Variants in UTRN observed in about 807,000 individuals in gnomAD.
UTRN encodes utrophin.
In UTRN, 283 loss-of-function variants were observed where a neutral mutation model predicts 463.9. That is an observed-to-expected ratio of 0.61 (90% confidence interval 0.55 to 0.67). The LOEUF (loss-of-function observed/expected upper bound fraction) is 0.67. Among genes scored for constraint, UTRN ranks in the 30% least tolerant of loss-of-function variants. The pLI is 0.00. For missense variants in UTRN, 3,922 were observed against 4,084.3 expected (o/e 0.96, Z 1.08); for synonymous variants, 1,442 against 1,431.5 (o/e 1.01, Z -0.17).
At chr6:144,763,592 T>C (rs772165145) in intron 58 of UTRN, among the ~76,000 whole-genome samples, 5 of 152,178 alleles carry the variant, frequency 3.3e-5, no homozygotes, top group Non-Finnish European at 7.4e-5. Context: ...TGCATACTTC[T>C]TTAGAAGAAT....
In UTRN at chr6:144,360,044, T is replaced by TCCCTTCCCTTC. The variant is rs1167851243; in HGVS notation, c.80-43076_80-43066dup. The stretch of plus-strand genomic sequence containing the variant: ...TTTTCTTTTCTTTTTTCCCTTCCCT[T>TCCCTTCCCTTC]CCCTTCCCTTCCCTTCCCTTCCCTT... On this transcript the variant is annotated intron_variant, in intron 2 of 74. Transcript: ENST00000367545. 1.7e-3 allele frequency among the ~76,000 whole-genome samples: 135 copies of TCCCTTCCCTTC among 78,592 alleles called. 4 individuals are homozygous for TCCCTTCCCTTC. The highest frequency in any genetic ancestry group is 0.01 in the African/African-American group (125 of 12,108). 51.6% of individuals were successfully genotyped at this position (78,592 alleles called of 152,430 possible).
chr6:144,314,234 A>G (rs966743057), intron 2 of UTRN, among the ~76,000 whole-genome samples: 2 of 152,194 alleles, frequency 1.3e-5, no homozygotes, highest in African/African-American at 2.4e-5. Context: ...AAATGACTAC[A>G]CAAGTCATAA....
intron 2 of UTRN, among the ~76,000 whole-genome samples, chr6:144,389,975 A>G (rs914769732): frequency 6.6e-6 from 1 of 152,196 alleles, no homozygotes; most frequent in Non-Finnish European, 1.5e-5. Flanking sequence ...AATATTGGTC[A>G]AAGAATATAG....
chr6:144,786,435 G>A (rs1363150550), intron 61 of UTRN, among the ~76,000 whole-genome samples: 3 of 152,036 alleles, frequency 2.0e-5, no homozygotes, highest in African/African-American at 4.8e-5. Context: ...ACAGGCACGC[G>A]CCACCACGCC....
intron 39 of UTRN, 51 bp from the exon 40 acceptor site, chr6:144,521,929 T>G: frequency 1.8e-6 from 2 of 1,110,526 alleles, no homozygotes; most frequent in Non-Finnish European, 1.2e-6. Flanking sequence ...GTGGGGGTAT[T>G]TTAAGAGATA....
intron 62 of UTRN, among the ~76,000 whole-genome samples, chr6:144,792,855 T>C (rs535899143): frequency 6.6e-6 from 1 of 152,270 alleles, no homozygotes; most frequent in African/African-American, 2.4e-5. Flanking sequence ...CTTCAAAGTA[T>C]TGTATATGGT....
intron 51 of UTRN, among the ~76,000 whole-genome samples, chr6:144,635,514 CTTTTTTTT>C (rs1402815648): frequency 2.5e-5 from 2 of 80,012 alleles, no homozygotes; most frequent in Non-Finnish European, 4.4e-5. Flanking sequence ...CTTTTTTTTT[CTTTTTTTT>C]TTTTTTTCTT....
chr6:144,790,746 A>G (rs1228662923), intron 62 of UTRN, among the ~76,000 whole-genome samples: 1 of 152,224 alleles, frequency 6.6e-6, no homozygotes, highest in East Asian at 1.9e-4. Context: ...AATGATCAGG[A>G]AAGGAAAATG....
Position 144,482,327 on chromosome 6 carries a change from T to C in UTRN, c.3626T>C (p.Val1209Ala), listed in dbSNP as rs933396709. The C allele has an allele frequency of 5.0e-6, 8 of 1,607,708 alleles. No homozygotes were observed. In the African/African-American group the frequency reaches 6.7e-5, roughly 13 times the overall value. Residue 1209 changes from valine (V) to alanine (A), a missense_variant, in exon 27 of 75, where the codon GTT (valine) becomes GCT (alanine). By Grantham distance (64) the Val-to-Ala change is moderately conservative. Coordinates refer to ENST00000367545, the MANE Select transcript of UTRN (RefSeq NM_007124.3). ...CAGGAGTTGACGTCTGAGCTGAATG[T>C]TGTGCTGGAGAATTACCAACTTCTT... The part of the protein sequence containing the change: ...GGQELTSELN[V>A]VLENYQLLCN...
intron 25 of UTRN, among the ~76,000 whole-genome samples, chr6:144,478,171 A>G (rs1791449621): frequency 6.6e-6 from 1 of 152,220 alleles, no homozygotes; most frequent in Non-Finnish European, 1.5e-5. Flanking sequence ...AAACAAAGAT[A>G]GTCTATTTCA....
rs535319408 is a variant in UTRN, at chr6:144,378,252, G to A, written c.80-24871G>A. On this transcript the variant is annotated intron_variant, in intron 2 of 74. Transcript: ENST00000367545. The stretch of plus-strand genomic sequence containing the variant: ...TTCTATTGAAATGGACAAGTTAGAG[G>A]TCTAGATTGAATACACTCTGTGTTT... Among the ~76,000 whole-genome samples the A allele has an allele frequency of 2.0e-4, 30 of 152,276 alleles. 2 individuals are homozygous for A. The South Asian group carries it at 5.4e-3, about 27-fold the overall frequency.
rs1318272241 is a variant in UTRN, at chr6:144,593,468, A to G, written c.7479+16180A>G. ...GAAGTGAAGCCTTGGCTTGCGACCAATCAGAGGCTGAAGGTAAGCTTTGGC... is the reference window on the plus strand; with the variant it reads ...GAAGTGAAGCCTTGGCTTGCGACCAGTCAGAGGCTGAAGGTAAGCTTTGGC... On this transcript the variant is annotated intron_variant, in intron 51 of 74. Transcript: ENST00000367545. Among the ~76,000 whole-genome samples the G allele has an allele frequency of 3.9e-5, 6 of 152,284 alleles. No individual in the cohort carries two copies. In the East Asian group the frequency reaches 7.7e-4, roughly 20 times the overall value.
At chr6:144,788,596 G>A (rs1441579564) in intron 61 of UTRN, among the ~76,000 whole-genome samples, 14 of 143,280 alleles carry the variant, frequency 9.8e-5, no homozygotes, top group African/African-American at 3.5e-4. Context: ...ATGGAGTCTC[G>A]CTCTGTCACC....
intron 51 of UTRN, among the ~76,000 whole-genome samples, chr6:144,617,777 C>T (rs1806292673): frequency 6.6e-6 from 1 of 152,094 alleles, no homozygotes; most frequent in Non-Finnish European, 1.5e-5. Flanking sequence ...AGCATGATCA[C>T]CTTGCATTGA....
intron 48 of UTRN, among the ~76,000 whole-genome samples, chr6:144,553,029 G>A (rs1027238138): frequency 1.3e-4 from 20 of 152,136 alleles, no homozygotes; most frequent in African/African-American, 4.8e-4. Context: ...GGCCTGAACA[G>A]CCTTGTTGAT....
At chr6:144,471,873 A>T (rs148948212) in intron 23 of UTRN, among the ~76,000 whole-genome samples, 199 of 152,348 alleles carry the variant, frequency 1.3e-3, no homozygotes, top group Non-Finnish European at 1.4e-3. Flanking sequence ...ACCTAGCTAG[A>T]TAAGCACTTT....
chr6:144,295,697 T>G (rs1202218484), intron 2 of UTRN, among the ~76,000 whole-genome samples: 1 of 152,222 alleles, frequency 6.6e-6, no homozygotes, highest in East Asian at 1.9e-4. Flanking sequence ...ACACCTCCAA[T>G]GATGGCATCT....
At chr6:144,722,162 A>G (rs1326156810) in intron 53 of UTRN, among the ~76,000 whole-genome samples, 1 of 152,184 alleles carries the variant, frequency 6.6e-6, no homozygotes, top group Non-Finnish European at 1.5e-5. Flanking sequence ...ACATTTTAAC[A>G]GAAGCAATCA....
intron 37 of UTRN, 116 bp from the exon 38 acceptor site, chr6:144,516,113 G>A: frequency 9.6e-7 from 1 of 1,038,920 alleles, no homozygotes; most frequent in South Asian, 1.5e-5. Context: ...TAGCTGAGCT[G>A]AATAGAAAAG....
Sources: allele counts gnomAD v4.1 joint callset (sites outside exome capture counted in the v4.1 genomes callset), GRCh38; gene constraint gnomAD v4.1.1; transcripts MANE v1.5; gene names NCBI Gene and HGNC (gene_info 2026-07-23, HGNC 2026-07-21).